SLC15A5: variants seen among roughly 807,000 people sequenced by gnomAD.
SLC15A5 encodes Peptide/histidine transporter ENSP00000340402.
A neutral mutation model predicts 56.1 loss-of-function variants in SLC15A5; 58 were observed. The ratio of observed to expected loss-of-function variants is 1.03; its 90% CI spans 0.84 to 1.29. SLC15A5 has a LOEUF of 1.29. SLC15A5 is among the 50% of genes most tolerant of loss of function. The probability of loss-of-function intolerance (pLI) is 0.00; values close to 1 mark genes in which losing one functional copy is unlikely to be tolerated. For synonymous variants in SLC15A5, 264 were observed against 250.5 expected, an observed-to-expected ratio of 1.05 and a Z score of -0.51; for missense variants, 681 against 672.1, an observed-to-expected ratio of 1.01 and a Z score of -0.15.
intron 2 of SLC15A5, among the ~76,000 whole-genome samples, chr12:16,270,463 T>C (rs760859796): frequency 2.6e-5 from 4 of 152,138 alleles, no homozygotes; most frequent in Non-Finnish European, 4.4e-5. Flanking sequence ...AATAAACTGC[T>C]CCTTTCAAAG....
chr12:16,238,446 T>C (rs1864374128), intron 5 of SLC15A5, among the ~76,000 whole-genome samples: 1 of 151,602 alleles, frequency 6.6e-6, no homozygotes, highest in Non-Finnish European at 1.5e-5. Context: ...GCTTACACAG[T>C]GAAACCCCGT....
intron 7 of SLC15A5, among the ~76,000 whole-genome samples, chr12:16,205,195 T>C (rs1864002282): frequency 6.6e-6 from 1 of 152,042 alleles, no homozygotes; most frequent in Middle Eastern, 3.5e-3. Context: ...CTCTAAAAAA[T>C]ACAAATTAAA....
At chr12:16,198,839 A>C (rs1202361433) in intron 7 of SLC15A5, among the ~76,000 whole-genome samples, 2 of 152,142 alleles carry the variant, frequency 1.3e-5, no homozygotes, top group Non-Finnish European at 2.9e-5. Flanking sequence ...ATATGAAAGA[A>C]AAATACAGTT....
chr12:16,205,081 A>C (rs1479096031), intron 7 of SLC15A5, among the ~76,000 whole-genome samples: 1 of 152,114 alleles, frequency 6.6e-6, no homozygotes, highest in Non-Finnish European at 1.5e-5. Context: ...ATATAAACTG[A>C]CAAAAGAAGA....
intron 5 of SLC15A5, among the ~76,000 whole-genome samples, chr12:16,229,691 A>T (rs1446536534): frequency 7.0e-6 from 1 of 141,920 alleles, no homozygotes; most frequent in African/African-American, 2.7e-5. Flanking sequence ...CACAATCTTA[A>T]ATAAATAAAT....
At chr12:16,234,439 A>G (rs2136254804) in intron 5 of SLC15A5, among the ~76,000 whole-genome samples, 1 of 152,326 alleles carries the variant, frequency 6.6e-6, no homozygotes. Flanking sequence ...ATGAAAACTA[A>G]CTTTCTTAAA....
At chr12:16,248,965 T>C (rs902804028) in intron 3 of SLC15A5, among the ~76,000 whole-genome samples, 3 of 152,132 alleles carry the variant, frequency 2.0e-5, no homozygotes, top group Admixed American at 2.0e-4. Flanking sequence ...TTAAAGATTG[T>C]AGTTATTACT....
At chr12:16,199,650 T>C (rs1055843366) in intron 7 of SLC15A5, among the ~76,000 whole-genome samples, 1 of 152,096 alleles carries the variant, frequency 6.6e-6, no homozygotes, top group Non-Finnish European at 1.5e-5. Flanking sequence ...TTTAAGGTAA[T>C]AGATATACAA....
chr12:16,211,984 A>G (rs992716325), intron 7 of SLC15A5, among the ~76,000 whole-genome samples: 1 of 152,162 alleles, frequency 6.6e-6, no homozygotes, highest in Non-Finnish European at 1.5e-5. Flanking sequence ...TTCTTTTCCA[A>G]TCGGGTATAC....
At chr12:16,276,061 G>A (rs1357003814) in intron 1 of SLC15A5, among the ~76,000 whole-genome samples, 2 of 151,858 alleles carry the variant, frequency 1.3e-5, no homozygotes, top group African/African-American at 4.8e-5. Flanking sequence ...AACTTTAGCA[G>A]GAACAGACGA....
intron 3 of SLC15A5, among the ~76,000 whole-genome samples, chr12:16,252,116 T>G (rs1864525179): frequency 6.6e-6 from 1 of 152,048 alleles, no homozygotes; most frequent in African/African-American, 2.4e-5. Context: ...CAACACCCTT[T>G]CATGATAAAA....
intron 8 of SLC15A5, among the ~76,000 whole-genome samples, chr12:16,193,794 A>C (rs1458466004): frequency 0.015 from 421 of 27,558 alleles, 26 homozygotes; most frequent in Middle Eastern, 0.062. Flanking sequence ...AGAGAGAGAG[A>C]GAGAGAGAGA....
intron 5 of SLC15A5, among the ~76,000 whole-genome samples, chr12:16,234,141 C>T (rs1002050636): frequency 7.2e-5 from 11 of 152,144 alleles, no homozygotes; most frequent in Admixed American, 4.6e-4. Flanking sequence ...CAAGATGGCA[C>T]GTTCCACATG....
chr12:16,226,634 TC>T (rs1224150319), intron 5 of SLC15A5, among the ~76,000 whole-genome samples: 3 of 152,162 alleles, frequency 2.0e-5, no homozygotes, highest in African/African-American at 7.2e-5. Flanking sequence ...ACTAAAACTT[TC>T]GTTTAGAAAA....
In SLC15A5 at chr12:16,271,875, A is replaced by G; in HGVS notation, c.584+686T>C. Among the ~76,000 whole-genome samples, 1 of 152,220 alleles carries G rather than the reference A, an allele frequency of 6.6e-6. No individual in the cohort carries two copies. Among genetic ancestry groups the G allele is most frequent in the East Asian group, 1.9e-4 (1 of 5,194 alleles). ...TCCATAAGAACTCGTTGGGAGAGAC[A>G]AAGATTCACAGGAAGGCTGTTTGAT... On this transcript the variant is annotated intron_variant, in intron 2 of 8. Transcript: ENST00000344941. The surrounding 1 kb of genome is among the most constrained non-coding windows in gnomAD (Gnocchi z 8.0).
intron 3 of SLC15A5, among the ~76,000 whole-genome samples, chr12:16,257,202 A>G (rs1411782314): frequency 6.6e-6 from 1 of 152,128 alleles, no homozygotes; most frequent in East Asian, 1.9e-4. Flanking sequence ...TTATGTATGC[A>G]TACACCTACA....
intron 3 of SLC15A5, among the ~76,000 whole-genome samples, chr12:16,252,740 A>G (rs1380467465): frequency 6.6e-6 from 1 of 152,138 alleles, no homozygotes; most frequent in Non-Finnish European, 1.5e-5. Context: ...AAAGTGATCT[A>G]TAGATTCAAT....
chr12:16,234,566 TTAA>T (rs1374518925), intron 5 of SLC15A5, among the ~76,000 whole-genome samples: 1 of 152,182 alleles, frequency 6.6e-6, no homozygotes, highest in African/African-American at 2.4e-5. Flanking sequence ...TGTACACATT[TTAA>T]ACCTCTAGCA....
chr12:16,190,613 G>A (rs538162447), intron 8 of SLC15A5, among the ~76,000 whole-genome samples: 9 of 152,072 alleles, frequency 5.9e-5, no homozygotes, highest in Non-Finnish European at 1.2e-4. Context: ...AATGAATATC[G>A]GCTATAAGTT....
Sources: gnomAD v4.1 joint callset for allele counts (sites outside exome capture counted in the v4.1 genomes callset) on GRCh38, gnomAD v4.1.1 for gene constraint, Gnocchi (gnomAD v3.1) non-coding constraint, MANE v1.5 for transcripts, NCBI Gene and HGNC (gene_info 2026-07-23, HGNC 2026-07-21) for gene names.